EXOC6B: variants seen among roughly 807,000 people sequenced by gnomAD.
EXOC6B encodes exocyst complex component 6B, also known as SEC15 homolog B.
EXOC6B carries 54 observed loss-of-function variants against 113.5 expected under a neutral mutation model. The observed-to-expected ratio is 0.48, with a 90% CI of 0.38 to 0.60. The LOEUF (loss-of-function observed/expected upper bound fraction) is 0.60, where lower values mean the gene tolerates loss of function less well. Among genes scored for constraint, EXOC6B ranks in the 20% least tolerant of loss-of-function variants. The pLI is 0.00. For missense variants in EXOC6B, 797 were observed against 977.5 expected (o/e 0.82, Z 2.46); for synonymous variants, 357 against 339.0 (o/e 1.05, Z -0.58).
At chr2:72,713,933 C>T (rs1285016094) in intron 6 of EXOC6B, among the ~76,000 whole-genome samples, 2 of 152,102 alleles carry the variant, frequency 1.3e-5, no homozygotes, top group Admixed American at 1.3e-4. Context: ...GCCTCCTTTG[C>T]AGTGATTGAC....
chr2:72,479,433 A>C (rs1214295903), intron 17 of EXOC6B, among the ~76,000 whole-genome samples: 1 of 152,172 alleles, frequency 6.6e-6, no homozygotes, highest in Non-Finnish European at 1.5e-5. Context: ...AAAAATAGAG[A>C]AAGAGGTTAA....
intron 6 of EXOC6B, among the ~76,000 whole-genome samples, chr2:72,584,491 T>C (rs1021244127): frequency 1.3e-5 from 2 of 152,200 alleles, no homozygotes; most frequent in African/African-American, 4.8e-5. Flanking sequence ...GCACCTAACA[T>C]TGGAGAACAC....
intron 6 of EXOC6B, among the ~76,000 whole-genome samples, chr2:72,590,993 G>A (rs1195974198): frequency 1.3e-5 from 2 of 151,976 alleles, no homozygotes; most frequent in Non-Finnish European, 2.9e-5. Flanking sequence ...TACCTGTTCT[G>A]TAAAAAGTGC....
At position 72,634,204 on chromosome 2, in the gene EXOC6B, C is replaced by T. The variant is rs574595255; in HGVS notation, c.670-58536G>A. On this transcript the variant is annotated intron_variant, in intron 6 of 21. Coordinates refer to ENST00000272427, the MANE Select transcript of EXOC6B (RefSeq NM_015189.3). Reference sequence around the variant, plus strand: ...GCTTTCATGTTGAGAAACTACAGCCCATGACTTAAAGCCAATCTATAGCCT... The same window carrying T: ...GCTTTCATGTTGAGAAACTACAGCCTATGACTTAAAGCCAATCTATAGCCT... Among the ~76,000 whole-genome samples the T allele has an allele frequency of 3.7e-4, 57 of 152,248 alleles. 1 individual carries two copies. Among genetic ancestry groups the T allele is most frequent in the African/African-American group, 1.3e-3 (54 of 41,536 alleles).
intron 18 of EXOC6B, among the ~76,000 whole-genome samples, chr2:72,393,246 A>G (rs760359173): frequency 6.6e-6 from 1 of 151,698 alleles, no homozygotes; most frequent in Admixed American, 6.6e-5. Context: ...GGCGCATACC[A>G]CCACGCCCAG....
intron 20 of EXOC6B, among the ~76,000 whole-genome samples, chr2:72,270,438 C>G (rs1343846466): frequency 2.6e-5 from 4 of 152,146 alleles, no homozygotes; most frequent in Non-Finnish European, 5.9e-5. Context: ...TCACATTCCT[C>G]CAAATATCAA....
intron 20 of EXOC6B, among the ~76,000 whole-genome samples, chr2:72,257,717 G>A (rs1337333627): frequency 6.6e-6 from 1 of 152,154 alleles, no homozygotes; most frequent in Non-Finnish European, 1.5e-5. Context: ...TTCCTATTCT[G>A]AGGAAGATCA....
At chr2:72,627,014 G>C (rs1232900003) in intron 6 of EXOC6B, among the ~76,000 whole-genome samples, 1 of 152,146 alleles carries the variant, frequency 6.6e-6, no homozygotes, top group Non-Finnish European at 1.5e-5. Flanking sequence ...TTCTATTGCA[G>C]AGGGTGGGTG....
chr2:72,778,422 T>C (rs1007725783), intron 1 of EXOC6B, among the ~76,000 whole-genome samples: 8 of 152,192 alleles, frequency 5.3e-5, no homozygotes, highest in African/African-American at 9.7e-5. Context: ...ATTTCTATTT[T>C]AGAGGTTCAG....
intron 18 of EXOC6B, among the ~76,000 whole-genome samples, chr2:72,396,700 A>C (rs780144934): frequency 6.6e-6 from 1 of 152,114 alleles, no homozygotes; most frequent in African/African-American, 2.4e-5. Flanking sequence ...ATGTTAGAAT[A>C]TGGTTTCCCT....
intron 19 of EXOC6B, among the ~76,000 whole-genome samples, chr2:72,358,240 C>A (rs1690089184): frequency 6.6e-6 from 1 of 152,228 alleles, no homozygotes; most frequent in South Asian, 2.1e-4. Flanking sequence ...TAACAACTCT[C>A]CACAGACATA....
At chr2:72,535,711 T>G (rs1702251170) in intron 8 of EXOC6B, among the ~76,000 whole-genome samples, 1 of 151,790 alleles carries the variant, frequency 6.6e-6, no homozygotes, top group African/African-American at 2.4e-5. Flanking sequence ...CCATCTCTAC[T>G]TATACAAAAT....
intron 18 of EXOC6B, among the ~76,000 whole-genome samples, chr2:72,405,610 T>A (rs1015680550): frequency 1.3e-5 from 2 of 152,144 alleles, no homozygotes; most frequent in African/African-American, 4.8e-5. Context: ...CGAAGCTTCA[T>A]AAGTGAAGGA....
intron 8 of EXOC6B, among the ~76,000 whole-genome samples, chr2:72,545,896 A>G (rs1055535301): frequency 1.3e-5 from 2 of 152,210 alleles, no homozygotes; most frequent in African/African-American, 4.8e-5. Flanking sequence ...CAATTTCATT[A>G]AGAAATTATC....
At chr2:72,749,448 T>C (rs1482562050) in intron 1 of EXOC6B, among the ~76,000 whole-genome samples, 2 of 152,042 alleles carry the variant, frequency 1.3e-5, no homozygotes, top group Non-Finnish European at 2.9e-5. Context: ...CAAAAGATAT[T>C]CAGTAGCAGG....
intron 6 of EXOC6B, among the ~76,000 whole-genome samples, chr2:72,648,815 TG>T (rs1285194235): frequency 0.034 from 6 of 176 alleles, no homozygotes; most frequent in Admixed American, 0.1. Flanking sequence ...AGAAAAATGT[TG>T]CAATGTTCTC....
intron 20 of EXOC6B, among the ~76,000 whole-genome samples, chr2:72,297,170 A>C (rs12471875): frequency 0.097 from 14,752 of 152,230 alleles, 726 homozygotes; most frequent in Non-Finnish European, 0.11. Context: ...GTGGGATTTC[A>C]CATTTTAAAT....
chr2:72,615,082 A>G (rs562057820), intron 6 of EXOC6B, among the ~76,000 whole-genome samples: 14 of 152,234 alleles, frequency 9.2e-5, no homozygotes, highest in African/African-American at 3.4e-4. Context: ...GAGGTAAGGA[A>G]AGAAAAACAA....
intron 18 of EXOC6B, among the ~76,000 whole-genome samples, chr2:72,438,824 G>T (rs1235293485): frequency 6.6e-6 from 1 of 152,028 alleles, no homozygotes; most frequent in Non-Finnish European, 1.5e-5. Flanking sequence ...CTTGCTATAG[G>T]GTGTCTGAAG....
Sources: allele counts gnomAD v4.1 joint callset (sites outside exome capture counted in the v4.1 genomes callset), GRCh38; gene constraint gnomAD v4.1.1; transcripts MANE v1.5; gene names NCBI Gene and HGNC (gene_info 2026-07-23, HGNC 2026-07-21).